Variants in SCRN1 observed in about 807,000 individuals in gnomAD.
SCRN1 encodes secernin 1.
Under a neutral mutation model 43.3 loss-of-function variants are expected in SCRN1, and 19 were observed. That is an observed-to-expected ratio of 0.44 (90% CI 0.31 to 0.64). The LOEUF (loss-of-function observed/expected upper bound fraction) is 0.64. Ranked by LOEUF, SCRN1 falls within the 30% of genes least tolerant of loss-of-function variation. The probability of loss-of-function intolerance (pLI) is 0.09; values close to 1 mark genes in which losing one functional copy is unlikely to be tolerated. For synonymous variants in SCRN1, 183 were observed against 188.9 expected (o/e 0.97, Z 0.26); for missense variants, 447 against 524.1 (o/e 0.85, Z 1.44).
intron 1 of SCRN1, chr7:29,969,730 G>A (rs2127924054): frequency 2.3e-6 from 1 of 436,742 alleles, no homozygotes; most frequent in South Asian, 1.6e-5. Flanking sequence ...CTGGGAAAAT[G>A]CATCCATGCT....
chr7:29,955,343 G>A lies in SCRN1; in HGVS notation c.177C>T (p.Ile59=), dbSNP rs777040547. Residue 59 remains isoleucine (I), a synonymous_variant, in exon 3 of 8, where the codon ATC becomes ATT. Coordinates refer to ENST00000242059, the MANE Select transcript of SCRN1 (RefSeq NM_014766.5). ...TGGCATAGGTCCTTGGAACTTGGTC[G>A]ATTGAAATGTAAGTGCACTGAAAAA... is the stretch of plus-strand genomic sequence containing the variant. The part of the protein sequence containing the change: ...ESKVECTYIS[I]DQVPRTYAIM... The A allele has an allele frequency of 1.6e-5, 26 of 1,613,624 alleles. No individual in the cohort carries two copies. In the South Asian group the frequency reaches 1.6e-4, roughly 10 times the overall value.
chr7:29,959,381 C>T (rs1253320099), intron 2 of SCRN1, among the ~76,000 whole-genome samples: 3 of 152,098 alleles, frequency 2.0e-5, no homozygotes, highest in African/African-American at 4.8e-5. Context: ...ATAACTATCA[C>T]TGAGGGTTTT....
intron 2 of SCRN1, among the ~76,000 whole-genome samples, chr7:29,963,074 T>C (rs1003490869): frequency 6.6e-5 from 10 of 151,924 alleles, no homozygotes; most frequent in Non-Finnish European, 1.5e-4. Flanking sequence ...TTCTTCACAA[T>C]GTTCTCCTTA....
intron 6 of SCRN1, among the ~76,000 whole-genome samples, chr7:29,932,241 G>A (rs1415239095): frequency 6.6e-6 from 1 of 152,206 alleles, no homozygotes; most frequent in Non-Finnish European, 1.5e-5. Context: ...GTCTATCTGT[G>A]CAGGCTGTGC....
At chr7:29,961,598 C>A (rs925793198) in intron 2 of SCRN1, among the ~76,000 whole-genome samples, 1 of 151,578 alleles carries the variant, frequency 6.6e-6, no homozygotes. Flanking sequence ...ACCTCCCAGA[C>A]GGGGTGGTGG....
At chr7:29,955,382 G>A (rs1013416212) in intron 2 of SCRN1, 22 bp from the exon 3 acceptor site, 3 of 1,609,856 alleles carry the variant, frequency 1.9e-6, no homozygotes, top group African/African-American at 1.3e-5. Context: ...ACACAGGAAA[G>A]AAAGCGCCAT....
chr7:29,938,099 G>A (rs189517360), intron 5 of SCRN1, among the ~76,000 whole-genome samples: 104 of 152,134 alleles, frequency 6.8e-4, no homozygotes, highest in Admixed American at 2.8e-3. Context: ...CGCAATCTTG[G>A]CTCACTGCAT....
chr7:29,957,965 A>T (rs144398485), intron 2 of SCRN1, among the ~76,000 whole-genome samples: 1 of 152,310 alleles, frequency 6.6e-6, no homozygotes, highest in East Asian at 1.9e-4. Context: ...CAAAAAGACC[A>T]GATGGTCTTT....
chr7:29,931,861 G>A (rs1245845041), intron 6 of SCRN1, among the ~76,000 whole-genome samples: 1 of 152,154 alleles, frequency 6.6e-6, no homozygotes, highest in Non-Finnish European at 1.5e-5. Flanking sequence ...AAAAACGCAG[G>A]CGCCCCTCAG....
chr7:29,953,639 C>T (rs1300358294), intron 3 of SCRN1, among the ~76,000 whole-genome samples: 1 of 152,062 alleles, frequency 6.6e-6, no homozygotes, highest in Non-Finnish European at 1.5e-5. Flanking sequence ...CTGCCTTTTC[C>T]CCAGCTCAGG....
At chr7:29,952,303 T>C (rs1187914261) in intron 3 of SCRN1, among the ~76,000 whole-genome samples, 1 of 152,248 alleles carries the variant, frequency 6.6e-6, no homozygotes, top group Admixed American at 6.5e-5. Flanking sequence ...ACCACTACTC[T>C]AGAACTTGCC....
At chr7:29,964,884 G>A (rs143356229) in intron 2 of SCRN1, among the ~76,000 whole-genome samples, 63 of 152,236 alleles carry the variant, frequency 4.1e-4, no homozygotes, top group African/African-American at 1.5e-3. Context: ...GGAGGTTGCA[G>A]TGAGCCAAGA....
upstream of SCRN1, chr7:29,990,041 G>A (rs1235572704): frequency 1.3e-6 from 2 of 1,483,020 alleles, no homozygotes; most frequent in African/African-American, 1.4e-5. Context: ...TTATTTCTTG[G>A]TTGTGGCTCT....
chr7:29,950,936 G>T lies in SCRN1; in HGVS notation c.341+4243C>A, dbSNP rs903183254. Among the ~76,000 whole-genome samples, 10 of 152,206 alleles carry T rather than the reference G, an allele frequency of 6.6e-5. No homozygotes were observed. Among genetic ancestry groups the T allele is most frequent in the Admixed American group, 5.9e-4 (9 of 15,278 alleles). On this transcript the variant is annotated intron_variant, in intron 3 of 7. Coordinates refer to ENST00000242059, the MANE Select transcript of SCRN1 (RefSeq NM_014766.5). This position sits in a 1 kb window ranked among gnomAD's most constrained non-coding sequence, Gnocchi z 4.5. ...TGTATCTCACTCTTCCTGAACATGG[G>T]ACAAGAGCTTGGGACCCGCCAAATG...
chr7:29,968,055 C>T (rs904152697), intron 2 of SCRN1, among the ~76,000 whole-genome samples: 5 of 151,742 alleles, frequency 3.3e-5, no homozygotes, highest in Admixed American at 6.6e-5. Context: ...GGCATCTATC[C>T]CAAAGAAATA....
chr7:29,985,700 T>C (rs1037947279), intron 1 of SCRN1, among the ~76,000 whole-genome samples: 2 of 152,214 alleles, frequency 1.3e-5, no homozygotes, highest in Admixed American at 1.3e-4. Context: ...ACTGTCCCCA[T>C]GTCCTAGATC....
chr7:29,928,092 C>T (rs143569275), intron 6 of SCRN1, among the ~76,000 whole-genome samples: 54 of 152,242 alleles, frequency 3.5e-4, no homozygotes, highest in African/African-American at 1.2e-3. Context: ...CATCGCACTC[C>T]GGCCTGGGTG....
chr7:29,936,981 G>A (rs1010267885), intron 5 of SCRN1, among the ~76,000 whole-genome samples: 1 of 152,196 alleles, frequency 6.6e-6, no homozygotes, highest in African/African-American at 2.4e-5. Context: ...GGGAGGCAGA[G>A]TTTGCAGTGA....
chr7:29,989,824 C>G (rs943311328), upstream of SCRN1: 12 of 986,612 alleles, frequency 1.2e-5, no homozygotes, highest in Non-Finnish European at 1.3e-5. Context: ...CCCGCCGCCC[C>G]CCGCAGCAGC....
Sources: gnomAD v4.1 joint callset for allele counts (sites outside exome capture counted in the v4.1 genomes callset) on GRCh38, gnomAD v4.1.1 for gene constraint, Gnocchi (gnomAD v3.1) non-coding constraint, MANE v1.5 for transcripts, NCBI Gene and HGNC (gene_info 2026-07-23, HGNC 2026-07-21) for gene names.